FRMD4A: variants seen among roughly 807,000 people sequenced by gnomAD.
FRMD4A encodes the protein FERM domain containing 4A.
A neutral mutation model predicts 129.1 loss-of-function variants in FRMD4A; 29 were observed. The ratio of observed to expected loss-of-function variants is 0.22; its 90% CI spans 0.17 to 0.31. The LOEUF is 0.31. FRMD4A is among the 10% of genes least tolerant of loss of function. The probability of loss-of-function intolerance (pLI) is 1.00; values close to 1 mark genes in which losing one functional copy is unlikely to be tolerated. For missense variants in FRMD4A, 1,272 were observed against 1,375.8 expected (o/e 0.92, Z 1.19); for synonymous variants, 634 against 571.6 (o/e 1.11, Z -1.56).
intron 2 of FRMD4A, among the ~76,000 whole-genome samples, chr10:14,322,549 T>G (rs984039120): frequency 6.6e-6 from 1 of 152,194 alleles, no homozygotes; most frequent in Admixed American, 6.5e-5. Flanking sequence ...GTGTGCATGA[T>G]GTACTTGGAA....
chr10:13,812,750 GCTTC>G lies in FRMD4A; in HGVS notation c.112-1846_112-1843del, dbSNP rs1426963176. 4.6e-5 allele frequency among the ~76,000 whole-genome samples: 7 copies of G among 152,320 alleles called. No homozygotes were observed. The East Asian group carries it at 1.2e-3, about 25-fold the overall frequency. Reference sequence around the variant, plus strand: ...CTTAAACTGAAAGAATGGGTTTGAAGCTTCCTCCCCAGCAGACAGGAATGGACAG... The same window carrying G: ...CTTAAACTGAAAGAATGGGTTTGAAGCTCCCCAGCAGACAGGAATGGACAG... On this transcript the variant is annotated intron_variant, in intron 3 of 24. Transcript: ENST00000357447.
Position 14,225,193 on chromosome 10 carries a change from G to A in FRMD4A, c.45+104865C>T, listed in dbSNP as rs535502496. Reference sequence around the variant, plus strand: ...GCTGAAAAACATTTAGCCTAAAATCGTCACTACTAAAATCATCATTTTGAA... The same window carrying A: ...GCTGAAAAACATTTAGCCTAAAATCATCACTACTAAAATCATCATTTTGAA... On this transcript the variant is annotated intron_variant, in intron 2 of 24. Coordinates refer to ENST00000357447, the MANE Select transcript of FRMD4A (RefSeq NM_018027.5). Among the ~76,000 whole-genome samples the A allele has an allele frequency of 7.2e-5, 11 of 152,196 alleles. No homozygotes were observed. The East Asian group carries it at 7.7e-4, about 11-fold the overall frequency.
chr10:14,062,490 A>G (rs959019744), intron 2 of FRMD4A, among the ~76,000 whole-genome samples: 9 of 152,176 alleles, frequency 5.9e-5, no homozygotes, highest in African/African-American at 1.7e-4. Context: ...TTGAACTTCA[A>G]GCATGTTTAT....
intron 2 of FRMD4A, among the ~76,000 whole-genome samples, chr10:14,325,415 C>G (rs17155046): frequency 0.042 from 6,465 of 152,248 alleles, 466 homozygotes; most frequent in African/African-American, 0.15. Context: ...CTCCCCGTCT[C>G]CCAAACAAGA....
At chr10:14,100,231 C>T (rs900653931) in intron 2 of FRMD4A, among the ~76,000 whole-genome samples, 3 of 152,166 alleles carry the variant, frequency 2.0e-5, no homozygotes, top group South Asian at 2.1e-4. Context: ...TGAAAGGAAA[C>T]GTCTCCATTT....
intron 12 of FRMD4A, among the ~76,000 whole-genome samples, chr10:13,719,658 G>GA (rs1274178833): frequency 6.6e-6 from 1 of 151,944 alleles, no homozygotes; most frequent in African/African-American, 2.4e-5. Context: ...GAAGGAGGGG[G>GA]AAAAAAAGCC....
chr10:13,932,314 T>G (rs969076037), intron 2 of FRMD4A, among the ~76,000 whole-genome samples: 9 of 152,238 alleles, frequency 5.9e-5, no homozygotes, highest in African/African-American at 1.9e-4. Context: ...ATGGGTCATG[T>G]CCTCTCTGTG....
At chr10:13,835,719 G>A (rs1195094025) in intron 3 of FRMD4A, among the ~76,000 whole-genome samples, 1 of 151,994 alleles carries the variant, frequency 6.6e-6, no homozygotes, top group East Asian at 1.9e-4. Flanking sequence ...ATAAGTTCAG[G>A]GCTCCCACTG....
chr10:13,882,702 C>G (rs545310140), intron 2 of FRMD4A, among the ~76,000 whole-genome samples: 1 of 152,152 alleles, frequency 6.6e-6, no homozygotes, highest in Non-Finnish European at 1.5e-5. Context: ...GGGCAAGCCA[C>G]GATACTTGAG....
At chr10:13,823,158 G>A (rs2130912423) in intron 3 of FRMD4A, among the ~76,000 whole-genome samples, 1 of 152,346 alleles carries the variant, frequency 6.6e-6, no homozygotes, top group Middle Eastern at 3.4e-3. Context: ...GGAAGGCTTT[G>A]ACAGGCGTAC....
At chr10:13,759,927 T>A (rs1432166843) in intron 8 of FRMD4A, among the ~76,000 whole-genome samples, 1 of 151,952 alleles carries the variant, frequency 6.6e-6, no homozygotes, top group Non-Finnish European at 1.5e-5. Flanking sequence ...AGATGGCATT[T>A]GAGATCAGAG....
At chr10:13,848,649 A>G (rs4089898) in intron 3 of FRMD4A, among the ~76,000 whole-genome samples, 143,300 of 151,614 alleles carry the variant, frequency 0.95, 67,754 homozygotes, top group East Asian at 0.98. Flanking sequence ...TAAACGCGGC[A>G]GGGGGTTCCC....
intron 2 of FRMD4A, among the ~76,000 whole-genome samples, chr10:14,232,867 A>G (rs1368394712): frequency 1.3e-5 from 2 of 152,206 alleles, no homozygotes; most frequent in Non-Finnish European, 2.9e-5. Flanking sequence ...AATCACCTGC[A>G]AAGAGAGATA....
chr10:14,283,170 G>A (rs922719572), intron 2 of FRMD4A, among the ~76,000 whole-genome samples: 2 of 152,198 alleles, frequency 1.3e-5, no homozygotes, highest in African/African-American at 4.8e-5. Context: ...CTTGCTAAAT[G>A]TCATTCACAA....
chr10:13,929,291 A>G (rs2095168383), intron 2 of FRMD4A, among the ~76,000 whole-genome samples: 1 of 152,202 alleles, frequency 6.6e-6, no homozygotes, highest in Non-Finnish European at 1.5e-5. Context: ...AGTCTGGAGA[A>G]CTTGCCGTGT....
At chr10:14,117,430 A>G (rs1309108564) in intron 2 of FRMD4A, among the ~76,000 whole-genome samples, 5 of 152,228 alleles carry the variant, frequency 3.3e-5, no homozygotes, top group Non-Finnish European at 7.4e-5. Flanking sequence ...CTTCTGAGCT[A>G]GCAGGAGCCC....
intron 2 of FRMD4A, among the ~76,000 whole-genome samples, chr10:13,930,224 A>G (rs952496717): frequency 6.6e-6 from 1 of 152,180 alleles, no homozygotes; most frequent in African/African-American, 2.4e-5. Context: ...TCTGCACAGG[A>G]CTGAATGAGG....
At chr10:13,651,779 T>C in intron 24 of FRMD4A, 124 bp downstream of exon 24, 1 of 669,188 alleles carries the variant, frequency 1.5e-6, no homozygotes, top group Middle Eastern at 2.4e-4. Context: ...TCCCCATGTA[T>C]CTAGAAATAA....
intron 2 of FRMD4A, among the ~76,000 whole-genome samples, chr10:14,230,346 G>A (rs1446955624): frequency 2.0e-5 from 3 of 152,204 alleles, no homozygotes; most frequent in African/African-American, 7.2e-5. Context: ...ACTCCATTAA[G>A]TACAAATGCG....
Sources: gnomAD v4.1 joint callset for allele counts (sites outside exome capture counted in the v4.1 genomes callset) on GRCh38, gnomAD v4.1.1 for gene constraint, MANE v1.5 for transcripts, NCBI Gene and HGNC (gene_info 2026-07-23, HGNC 2026-07-21) for gene names.